Variants in IL1RAPL2 observed in about 807,000 individuals in gnomAD.
The protein encoded by IL1RAPL2 is X-linked interleukin-1 receptor accessory protein-like 2.
In IL1RAPL2, 3 loss-of-function variants were observed where a neutral mutation model predicts 44.1. That is an observed-to-expected ratio of 0.07 (90% CI 0.03 to 0.18). IL1RAPL2 has a LOEUF of 0.18. Among genes scored for constraint, IL1RAPL2 ranks in the 10% least tolerant of loss-of-function variants. IL1RAPL2 has a pLI of 1.00. For missense variants in IL1RAPL2, 391 were observed against 496.4 expected, an observed-to-expected ratio of 0.79 and a Z score of 2.02; for synonymous variants, 181 against 178.8, an observed-to-expected ratio of 1.01 and a Z score of -0.10.
chrX:105,539,664 A>C (rs1232077164), intron 6 of IL1RAPL2, among the ~76,000 whole-genome samples: 1 of 111,847 alleles, frequency 8.9e-6, no homozygotes, highest in Non-Finnish European at 1.9e-5. Flanking sequence ...AAAACCAAAA[A>C]TTGACAAGTG....
At chrX:105,133,582 T>C (rs2033049383) in intron 2 of IL1RAPL2, among the ~76,000 whole-genome samples, 1 of 111,847 alleles carries the variant, frequency 8.9e-6, no homozygotes, top group Non-Finnish European at 1.9e-5. Context: ...ATTATAATAT[T>C]TTTGTTTTAG....
chrX:105,272,891 C>A (rs1037291447), intron 5 of IL1RAPL2, among the ~76,000 whole-genome samples: 1 of 112,081 alleles, frequency 8.9e-6, no homozygotes, highest in Non-Finnish European at 1.9e-5. Flanking sequence ...ACAGAGGAAG[C>A]AATTTCACAT....
chrX:105,118,138 C>A (rs2032881371), intron 2 of IL1RAPL2, among the ~76,000 whole-genome samples: 1 of 112,484 alleles, frequency 8.9e-6, no homozygotes, highest in African/African-American at 3.2e-5. Flanking sequence ...TAAGTTTTCA[C>A]CCCAGTGTAG....
At chrX:104,734,153 GC>G (rs770800390) in intron 2 of IL1RAPL2, among the ~76,000 whole-genome samples, 2 of 112,314 alleles carry the variant, frequency 1.8e-5, no homozygotes, top group African/African-American at 6.5e-5. Flanking sequence ...AATTATCAGT[GC>G]TAGGCAGAAT....
intron 5 of IL1RAPL2, among the ~76,000 whole-genome samples, chrX:105,427,492 A>G (rs750227401): frequency 2.2e-4 from 25 of 112,193 alleles, no homozygotes; most frequent in African/African-American, 7.8e-4. Context: ...AGTAAATATC[A>G]TGTCTCTTAA....
intron 2 of IL1RAPL2, among the ~76,000 whole-genome samples, chrX:105,089,130 T>C (rs2032511905): frequency 9.0e-6 from 1 of 111,168 alleles, no homozygotes; most frequent in Admixed American, 9.6e-5. Flanking sequence ...GCCACTAAAA[T>C]TGATTTTTAT....
At chrX:105,505,948 G>T (rs1226467185) in intron 6 of IL1RAPL2, among the ~76,000 whole-genome samples, 1 of 111,427 alleles carries the variant, frequency 9.0e-6, no homozygotes, top group Non-Finnish European at 1.9e-5. Flanking sequence ...GAAAGTGATT[G>T]TTTGAGATGA....
At chrX:104,716,536 G>T (rs1382021058) in intron 2 of IL1RAPL2, among the ~76,000 whole-genome samples, 1 of 110,803 alleles carries the variant, frequency 9.0e-6, no homozygotes, top group Non-Finnish European at 1.9e-5. Flanking sequence ...TCTGACTAAG[G>T]CCTAATATCT....
chrX:105,041,632 G>A lies in IL1RAPL2; in HGVS notation c.83-153843G>A, dbSNP rs1461351766. On this transcript the variant is annotated intron_variant, in intron 2 of 10. Transcript: ENST00000372582. The stretch of plus-strand genomic sequence containing the variant: ...CTCATGGCTAGGAAGAATCAATATC[G>A]TGAAAATGGCCATACTGCCCAAGGT... Among the ~76,000 whole-genome samples, 140 of 109,553 alleles carry A rather than the reference G, an allele frequency of 1.3e-3. 1 individual carries two copies. Among genetic ancestry groups the A allele is most frequent in the African/African-American group, 4.3e-3 (130 of 29,918 alleles).
At position 105,093,478 on chromosome X, in the gene IL1RAPL2, G is replaced by A. The variant is rs149943065; in HGVS notation, c.83-101997G>A. Among the ~76,000 whole-genome samples the A allele has an allele frequency of 7.3e-3, 815 of 111,101 alleles. 13 individuals carry two copies. Among genetic ancestry groups the A allele is most frequent in the African/African-American group, 0.025 (777 of 30,568 alleles). On this transcript the variant is annotated intron_variant, in intron 2 of 10. Coordinates refer to ENST00000372582, the MANE Select transcript of IL1RAPL2 (RefSeq NM_017416.2). ...TGTGTGCTAGAAGCTGGAGAAGGGT[G>A]TGGAAAAATGACAAGTAATAACAGG...
chrX:105,219,826 C>G lies in IL1RAPL2; in HGVS notation c.357-13992C>G. On this transcript the variant is annotated intron_variant, in intron 3 of 10. Transcript: ENST00000372582. Reference sequence around the variant, plus strand: ...GGCGGGAGCACTAAGCAGGGTAGGACGGAGCTACCAGGTGGGAAGGGCGGG... The same window carrying G: ...GGCGGGAGCACTAAGCAGGGTAGGAGGGAGCTACCAGGTGGGAAGGGCGGG... The G allele has an allele frequency of 4.5e-6, 5 of 1,101,949 alleles. No individual in the cohort carries two copies. The Admixed American group carries it at 1.0e-4, about 22-fold the overall frequency. 90.8% of individuals were successfully genotyped at this position (1,101,949 alleles called of 1,213,427 possible). A position where few individuals can be genotyped will look rare whatever the true frequency, so the allele number is the denominator to read the frequency against.
intron 5 of IL1RAPL2, among the ~76,000 whole-genome samples, chrX:105,323,480 G>A (rs2034911526): frequency 9.0e-6 from 1 of 111,612 alleles, no homozygotes; most frequent in African/African-American, 3.3e-5. Context: ...ATTCCATACA[G>A]GAATATAATT....
chrX:104,918,638 AAG>A (rs1222385512), intron 2 of IL1RAPL2, among the ~76,000 whole-genome samples: 3 of 112,029 alleles, frequency 2.7e-5, no homozygotes, highest in Non-Finnish European at 5.6e-5. Context: ...AAATGTAAGA[AAG>A]AGAACTTGTT....
intron 2 of IL1RAPL2, among the ~76,000 whole-genome samples, chrX:104,935,154 T>C (rs1025093009): frequency 2.7e-5 from 3 of 112,593 alleles, no homozygotes; most frequent in South Asian, 3.6e-4. Flanking sequence ...TTTTTTGTTA[T>C]GTTTGATGCT....
intron 2 of IL1RAPL2, among the ~76,000 whole-genome samples, chrX:104,889,948 C>A (rs138972865): frequency 2.6e-4 from 29 of 110,835 alleles, no homozygotes; most frequent in African/African-American, 8.5e-4. Context: ...ATCCCTCCCC[C>A]CTACCCCCAA....
intron 5 of IL1RAPL2, among the ~76,000 whole-genome samples, chrX:105,319,929 C>G (rs2034884668): frequency 9.0e-6 from 1 of 110,920 alleles, no homozygotes; most frequent in Non-Finnish European, 1.9e-5. Context: ...GACAAAATAC[C>G]AAAATGACTT....
intron 2 of IL1RAPL2, among the ~76,000 whole-genome samples, chrX:104,862,555 C>T (rs1010153919): frequency 9.1e-6 from 1 of 110,398 alleles, no homozygotes; most frequent in East Asian, 2.9e-4. Context: ...AAAAAGAAGC[C>T]CCTAGAAGAA....
chrX:105,052,825 G>A (rs191502215), intron 2 of IL1RAPL2, among the ~76,000 whole-genome samples: 185 of 110,210 alleles, frequency 1.7e-3, no homozygotes, highest in African/African-American at 5.5e-3. Context: ...TGTCATCTAG[G>A]TTTTAAGCCC....
chrX:105,191,605 A>G (rs1398260574), intron 2 of IL1RAPL2, among the ~76,000 whole-genome samples: 1 of 112,237 alleles, frequency 8.9e-6, no homozygotes, highest in Admixed American at 9.4e-5. Flanking sequence ...TAGTGATGAG[A>G]ATCTTAAAAA....
Sources: gnomAD v4.1 joint callset for allele counts (sites outside exome capture counted in the v4.1 genomes callset) on GRCh38, gnomAD v4.1.1 for gene constraint, MANE v1.5 for transcripts, NCBI Gene and HGNC (gene_info 2026-07-23, HGNC 2026-07-21) for gene names.